Variants in PUS7 observed in about 807,000 individuals in gnomAD.
The protein encoded by PUS7 is pseudouridine synthase 7.
Under a neutral mutation model 79.8 loss-of-function variants are expected in PUS7, and 48 were observed. The observed-to-expected ratio is 0.60, with a 90% CI of 0.48 to 0.76. The LOEUF is 0.76. PUS7 is among the 30% of genes least tolerant of loss of function. PUS7 has a pLI of 0.00. For missense variants in PUS7, 729 were observed against 797.6 expected (o/e 0.91, Z 1.04); for synonymous variants, 286 against 272.2 (o/e 1.05, Z -0.50).
chr7:105,472,265 G>A (rs1212916086), intron 9 of PUS7, 72 bp from the exon 10 acceptor site: 1 of 925,068 alleles, frequency 1.1e-6, no homozygotes, highest in Non-Finnish European at 1.7e-6. Context: ...AATCTTTGAA[G>A]AGTCAACAAA....
intron 12 of PUS7, among the ~76,000 whole-genome samples, chr7:105,467,567 T>C (rs368110879): frequency 1.6e-4 from 24 of 151,276 alleles, no homozygotes; most frequent in South Asian, 4.2e-4. Flanking sequence ...GGATTACAGG[T>C]GTGAGCCACT....
At position 105,515,740 on chromosome 7, in the gene PUS7, G is replaced by A. The variant is rs186720737; in HGVS notation, c.-33+6312C>T. Among the ~76,000 whole-genome samples, 916 of 151,646 alleles carry A rather than the reference G, an allele frequency of 6.0e-3. 6 individuals are homozygous for A. Among genetic ancestry groups the A allele is most frequent in the African/African-American group, 0.02 (811 of 41,314 alleles). ...ACTCCTGAGTTCAAGCAATTCTCAC[G>A]CCTCAGCCTCCTGAGTAGCTGGGCC... is the stretch of plus-strand genomic sequence containing the variant. On this transcript the variant is annotated intron_variant, in intron 1 of 15. Transcript: ENST00000469408.
At position 105,508,276 on chromosome 7, in the gene PUS7, T is replaced by C. The variant is rs1345848397; in HGVS notation, c.237A>G (p.Glu79=). 1.2e-6 allele frequency: 2 copies of C among 1,614,168 alleles called. No individual in the cohort carries two copies. Among genetic ancestry groups the C allele is most frequent in the East Asian group, 2.2e-5 (1 of 44,884 alleles). The change falls in exon 2 of 16, where the codon GAA becomes GAG. Residue 79 remains glutamate (E), a synonymous_variant. Coordinates refer to ENST00000469408, the MANE Select transcript of PUS7 (RefSeq NM_019042.5). ...KGGKNSEAQL[E]DEEEEEEDGL... ...CATCTTCCTCCTCTTCTTCCTCATC[T>C]TCCAACTGAGCCTCAGAATTCTTTC...
Position 105,468,440 on chromosome 7 carries a change from C to T in PUS7, c.1422G>A (p.Met474Ile). The part of the protein sequence containing the change: ...FGIIPRNNRL[M>I]YIHSYQSYVW... ...CATAGCTTTGGTAGCTATGAATATA[C>T]ATTAAGCGATTATTTCTGGGTATCT... Residue 474 changes from methionine (M) to isoleucine (I), a missense_variant, in exon 12 of 16, where the codon ATG becomes ATA. Coordinates refer to ENST00000469408, the MANE Select transcript of PUS7 (RefSeq NM_019042.5). 1.2e-6 allele frequency: 2 copies of T among 1,606,644 alleles called. No homozygotes were observed. Among genetic ancestry groups the T allele is most frequent in the Admixed American group, 1.7e-5 (1 of 59,138 alleles).
chr7:105,460,434 G>A (rs1823374823), intron 14 of PUS7, among the ~76,000 whole-genome samples: 1 of 152,204 alleles, frequency 6.6e-6, no homozygotes, highest in Admixed American at 6.6e-5. Context: ...CTCCAGAGAG[G>A]AGGAGGTAAG....
At chr7:105,494,449 T>G (rs1322467837) in intron 6 of PUS7, among the ~76,000 whole-genome samples, 1 of 149,354 alleles carries the variant, frequency 6.7e-6, no homozygotes, top group Admixed American at 6.7e-5. Flanking sequence ...CTTGCTCTGT[T>G]GCCAGGCTGG....
Position 105,457,264 on chromosome 7 carries a change from A to G in PUS7, c.*526T>C, listed in dbSNP as rs1446994332. On this transcript the variant is annotated 3_prime_UTR_variant, in exon 16 of 16. Transcript: ENST00000469408. Reference sequence around the variant, plus strand: ...AATGCTTGCCTGAATCTAGTACATAAGCAGGATAATGACAATCACTTTTTG... The same window carrying G: ...AATGCTTGCCTGAATCTAGTACATAGGCAGGATAATGACAATCACTTTTTG... 2 of 152,270 alleles carry G rather than the reference A, an allele frequency of 1.3e-5. No individual in the cohort carries two copies. Among genetic ancestry groups the G allele is most frequent in the African/African-American group, 4.8e-5 (2 of 41,458 alleles). The allele number at this position is 152,270 out of a possible 1,614,324, so 9.4% of individuals were successfully genotyped here.
chr7:105,509,714 A>G (rs78537819), intron 1 of PUS7, among the ~76,000 whole-genome samples: 4 of 152,156 alleles, frequency 2.6e-5, no homozygotes, highest in African/African-American at 7.2e-5. Context: ...CCTGGGCTCA[A>G]GTAATGCTCT....
intron 1 of PUS7, among the ~76,000 whole-genome samples, chr7:105,508,981 T>A (rs1164755833): frequency 7.3e-6 from 1 of 136,422 alleles, no homozygotes. Flanking sequence ...GGGTTCGAGA[T>A]CAGCCTGGCC....
chr7:105,519,933 C>T (rs1826038744), intron 1 of PUS7, among the ~76,000 whole-genome samples: 1 of 152,152 alleles, frequency 6.6e-6, no homozygotes, highest in South Asian at 2.1e-4. Context: ...CAAACTTAGT[C>T]GACAGTATGA....
intron 1 of PUS7, among the ~76,000 whole-genome samples, chr7:105,514,795 C>T (rs199554944): frequency 1.5e-3 from 173 of 112,628 alleles, no homozygotes; most frequent in South Asian, 4.4e-3. Context: ...AATTCTCTCT[C>T]ATTTTTTTTT....
At chr7:105,467,724 G>A (rs976243445) in intron 12 of PUS7, among the ~76,000 whole-genome samples, 8 of 151,858 alleles carry the variant, frequency 5.3e-5, no homozygotes, top group African/African-American at 1.7e-4. Context: ...GAAAAGGGAG[G>A]CCCAGAGAGA....
chr7:105,500,906 G>T (rs1424412616), intron 5 of PUS7, among the ~76,000 whole-genome samples: 1 of 152,140 alleles, frequency 6.6e-6, no homozygotes, highest in Non-Finnish European at 1.5e-5. Flanking sequence ...CACACCATTC[G>T]TTTGTGGAGT....
intron 7 of PUS7, 116 bp from the exon 8 acceptor site, chr7:105,482,556 C>T (rs182880200): frequency 1.8e-6 from 2 of 1,136,046 alleles, no homozygotes; most frequent in East Asian, 5.0e-5. Context: ...CTATGACCCC[C>T]TGAAAGGAAA....
chr7:105,492,726 CT>C (rs1824846773), intron 6 of PUS7, among the ~76,000 whole-genome samples: 2 of 151,762 alleles, frequency 1.3e-5, no homozygotes, highest in African/African-American at 4.8e-5. Context: ...CCGGGATGGT[CT>C]CGATCTCCTG....
chr7:105,464,255 G>A (rs1386172751), intron 13 of PUS7, among the ~76,000 whole-genome samples: 1 of 152,178 alleles, frequency 6.6e-6, no homozygotes, highest in African/African-American at 2.4e-5. Flanking sequence ...CTGGGGTAAG[G>A]GAGACCCCAA....
chr7:105,509,122 T>C (rs1825600080), intron 1 of PUS7, among the ~76,000 whole-genome samples: 1 of 131,462 alleles, frequency 7.6e-6, no homozygotes. Flanking sequence ...AGGCGGAGTT[T>C]GCAGTGAGCA....
chr7:105,509,461 T>G (rs368988628), intron 1 of PUS7, among the ~76,000 whole-genome samples: 1 of 152,006 alleles, frequency 6.6e-6, no homozygotes, highest in Non-Finnish European at 1.5e-5. Context: ...CTAAGGATAT[T>G]CATCTCCATA....
chr7:105,462,421 A>C, intron 14 of PUS7, 200 bp downstream of exon 14: 1 of 531,562 alleles, frequency 1.9e-6, no homozygotes, highest in South Asian at 2.5e-5. Flanking sequence ...GACTAGTGAA[A>C]CTCCGTCTCA....
Sources: gnomAD v4.1 joint callset for allele counts (sites outside exome capture counted in the v4.1 genomes callset) on GRCh38, gnomAD v4.1.1 for gene constraint, MANE v1.5 for transcripts, NCBI Gene and HGNC (gene_info 2026-07-23, HGNC 2026-07-21) for gene names.